The following RRP1B variants were observed in gnomAD, a reference collection of about 807,000 sequenced individuals.
The protein encoded by RRP1B is ribosomal RNA processing protein 1 homolog B.
A neutral mutation model predicts 80.2 loss-of-function variants in RRP1B; 56 were observed. The observed-to-expected ratio is 0.70, with a 90% CI of 0.56 to 0.87. The LOEUF is 0.87. Among genes scored for constraint, RRP1B ranks in the 40% least tolerant of loss-of-function variants. The pLI is 0.00. For missense variants in RRP1B, 807 were observed against 939.8 expected (o/e 0.86, Z 1.85); for synonymous variants, 351 against 357.6 (o/e 0.98, Z 0.21).
At chr21:43,669,802 G>C in intron 1 of RRP1B, 82 bp from the exon 2 acceptor site, 1 of 919,530 alleles carries the variant, frequency 1.1e-6, no homozygotes, top group Non-Finnish European at 1.7e-6. Context: ...GAATTAAAAT[G>C]TATGTGATAC....
Position 43,687,908 on chromosome 21 carries a change from G to C in RRP1B, c.1534G>C (p.Gly512Arg), listed in dbSNP as rs773206034. ...TGGCAGTCATCCTCAGGGACCTAGA[G>C]GGTCCCCGACAGGTGGAGCCCAACT... ...PSGSHPQGPR[G>R]SPTGGAQLLK... The change falls in exon 13 of 16, where the codon GGG (glycine) becomes CGG (arginine). Residue 512 changes from glycine to arginine, a missense_variant. Coordinates refer to ENST00000340648, the MANE Select transcript of RRP1B (RefSeq NM_015056.3). 3 of 1,613,110 alleles carry C rather than the reference G, an allele frequency of 1.9e-6. No homozygotes were observed. The highest frequency in any genetic ancestry group is 2.5e-6 in the Non-Finnish European group (3 of 1,180,042).
At chr21:43,671,083 C>T (rs1008062702) in intron 2 of RRP1B, among the ~76,000 whole-genome samples, 1 of 152,264 alleles carries the variant, frequency 6.6e-6, no homozygotes, top group South Asian at 2.1e-4. Context: ...TGGTGTGAGT[C>T]AGACTGATGA....
chr21:43,687,067 C>A, intron 12 of RRP1B, 132 bp downstream of exon 12: 1 of 1,059,404 alleles, frequency 9.4e-7, no homozygotes, highest in Non-Finnish European at 1.3e-6. Context: ...TCTTTAATGG[C>A]TGAGAGGTAA....
intron 6 of RRP1B, 139 bp downstream of exon 6, chr21:43,675,302 A>G: frequency 1.3e-6 from 1 of 766,584 alleles, no homozygotes; most frequent in Non-Finnish European, 2.1e-6. Context: ...CTGTCTGGGA[A>G]TGTGTCCTAA....
At position 43,689,012 on chromosome 21, in the gene RRP1B, G is replaced by C. The variant is rs1458260745; in HGVS notation, c.1866+772G>C. 1.3e-5 allele frequency among the ~76,000 whole-genome samples: 2 copies of C among 152,256 alleles called. 1 individual carries two copies. ...GCCTTGTTGCCCAGGCTGGGCTCAA[G>C]CAGTCCACCTGCCTCGGCCTCCCAA... On this transcript the variant is annotated intron_variant, in intron 13 of 15. Coordinates refer to ENST00000340648, the MANE Select transcript of RRP1B (RefSeq NM_015056.3).
intron 1 of RRP1B, 32 bp from the exon 2 acceptor site, chr21:43,669,852 C>CT: frequency 6.6e-7 from 1 of 1,505,388 alleles, no homozygotes. Context: ...GATGCATAGA[C>CT]TCTAAGATGT....
chr21:43,673,369 C>T (rs1210855176), intron 3 of RRP1B, among the ~76,000 whole-genome samples: 1 of 152,184 alleles, frequency 6.6e-6, no homozygotes, highest in African/African-American at 2.4e-5. Flanking sequence ...CACGGTGGCT[C>T]ACGCCTGTAA....
At chr21:43,688,752 T>G (rs1283806378) in intron 13 of RRP1B, among the ~76,000 whole-genome samples, 4 of 152,204 alleles carry the variant, frequency 2.6e-5, no homozygotes, top group African/African-American at 9.6e-5. Flanking sequence ...GGAAAGACTT[T>G]CCTTCCACTT....
chr21:43,675,255 A>G (rs2083017342), intron 6 of RRP1B, 92 bp downstream of exon 6: 6 of 1,212,378 alleles, frequency 4.9e-6, no homozygotes, highest in East Asian at 2.3e-5. Flanking sequence ...GGCCCTTCGC[A>G]TGACCAGCGA....
chr21:43,684,424 C>T, intron 9 of RRP1B, 129 bp from the exon 10 acceptor site: 1 of 777,734 alleles, frequency 1.3e-6, no homozygotes, highest in South Asian at 1.6e-5. Context: ...CAAGTCCCAG[C>T]ACAAGCTTGT....
rs113973438 is a variant in RRP1B at position 43,691,640 on chromosome 21, T to C, written c.2083+138T>C. 3.1e-4 allele frequency: 138 copies of C among 451,898 alleles called. No homozygotes were observed. Among genetic ancestry groups the C allele is most frequent in the African/African-American group, 2.1e-3 (76 of 37,042 alleles). 28.0% of individuals were successfully genotyped at this position (451,898 alleles called of 1,614,324 possible). On this transcript the variant is annotated intron_variant, in intron 15 of 15. Coordinates refer to ENST00000340648, the MANE Select transcript of RRP1B (RefSeq NM_015056.3). This position sits in a 1 kb window ranked among gnomAD's most constrained non-coding sequence, Gnocchi z 4.2. ...CACTGCCCATTTCTTTATTTTTATT[T>C]TTTTTTTTTTTTTGAGACAGAGTCT...
intron 1 of RRP1B, among the ~76,000 whole-genome samples, chr21:43,663,547 G>A (rs965083211): frequency 4.6e-5 from 7 of 151,554 alleles, no homozygotes; most frequent in South Asian, 4.2e-4. Context: ...GAGCCACACC[G>A]TGCCCAGCCT....
intron 10 of RRP1B, among the ~76,000 whole-genome samples, chr21:43,685,334 C>T (rs1230401176): frequency 1.3e-5 from 2 of 152,254 alleles, no homozygotes; most frequent in East Asian, 3.8e-4. Context: ...CACCTCCCCA[C>T]ACTGCGCTTC....
intron 11 of RRP1B, 136 bp from the exon 12 acceptor site, chr21:43,686,668 C>A: frequency 1.0e-6 from 1 of 960,896 alleles, no homozygotes; most frequent in Non-Finnish European, 1.5e-6. Context: ...GTGTCAGCAG[C>A]GCTCAGGTTT....
chr21:43,682,458 A>C (rs189030286), intron 8 of RRP1B, among the ~76,000 whole-genome samples: 3 of 152,212 alleles, frequency 2.0e-5, no homozygotes, highest in Admixed American at 2.0e-4. Flanking sequence ...AACACTCTGA[A>C]TTTTTTAAGT....
intron 1 of RRP1B, among the ~76,000 whole-genome samples, chr21:43,664,377 T>C (rs150929997): frequency 1.8e-3 from 274 of 152,110 alleles, no homozygotes; most frequent in African/African-American, 6.4e-3. Flanking sequence ...ATGTAAAATG[T>C]ATTCCTAGGA....
intron 1 of RRP1B, among the ~76,000 whole-genome samples, chr21:43,661,499 C>T (rs146719267): frequency 6.8e-4 from 103 of 152,328 alleles, no homozygotes; most frequent in Non-Finnish European, 1.3e-3. Flanking sequence ...CCCTGGCCCA[C>T]ATCCAGTGGG....
intron 13 of RRP1B, among the ~76,000 whole-genome samples, chr21:43,688,863 C>T (rs1361281264): frequency 1.3e-5 from 2 of 152,224 alleles, no homozygotes; most frequent in Non-Finnish European, 2.9e-5. Flanking sequence ...AATCTCGGCT[C>T]ACTGCAACCT....
intron 3 of RRP1B, among the ~76,000 whole-genome samples, 164 bp downstream of exon 3, chr21:43,672,529 G>A (rs190950182): frequency 5.3e-5 from 8 of 152,288 alleles, no homozygotes; most frequent in Non-Finnish European, 2.9e-5. Context: ...CAGTGTCTTG[G>A]GGAGAATCAA....
Sources: allele counts gnomAD v4.1 joint callset (sites outside exome capture counted in the v4.1 genomes callset), GRCh38; gene constraint gnomAD v4.1.1; non-coding constraint Gnocchi (gnomAD v3.1); transcripts MANE v1.5; gene names NCBI Gene and HGNC (gene_info 2026-07-23, HGNC 2026-07-21).